The following NOL4L variants were observed in gnomAD, a reference collection of about 807,000 sequenced individuals.
NOL4L encodes nucleolar protein 4-like.
In NOL4L, 7 loss-of-function variants were observed where a neutral mutation model predicts 64.5. That is an observed-to-expected ratio of 0.11 (90% CI 0.06 to 0.20). The LOEUF is 0.20. NOL4L is among the 10% of genes least tolerant of loss of function. NOL4L has a pLI of 1.00. For missense variants in NOL4L, 680 were observed against 967.1 expected (o/e 0.70, Z 3.94); for synonymous variants, 413 against 401.0 (o/e 1.03, Z -0.36).
chr20:32,583,912 C>T (rs1170762319), intron 1 of NOL4L, among the ~76,000 whole-genome samples: 2 of 149,394 alleles, frequency 1.3e-5, no homozygotes, highest in Non-Finnish European at 3.0e-5. Flanking sequence ...ACGAGGGGCC[C>T]GGGGGGCTGA....
At chr20:32,550,371 C>G (rs963820423) in intron 1 of NOL4L, among the ~76,000 whole-genome samples, 2 of 152,196 alleles carry the variant, frequency 1.3e-5, no homozygotes, top group Admixed American at 1.3e-4. Flanking sequence ...CTCGGCCTCC[C>G]GAGTAGCTGG....
intron 1 of NOL4L, among the ~76,000 whole-genome samples, chr20:32,552,752 C>T (rs1462928122): frequency 6.6e-6 from 1 of 152,204 alleles, no homozygotes; most frequent in Non-Finnish European, 1.5e-5. Flanking sequence ...CCTGTAATCC[C>T]AGCACTTTGG....
intron 5 of NOL4L, among the ~76,000 whole-genome samples, chr20:32,473,613 C>T (rs1383647371): frequency 6.6e-5 from 10 of 152,220 alleles, no homozygotes; most frequent in East Asian, 1.9e-4. Context: ...GAGGCAGGCG[C>T]GCAGGTTCTG....
At chr20:32,528,013 C>T (rs1396120829) in intron 1 of NOL4L, 100 bp from the exon 2 acceptor site, 5 of 868,594 alleles carry the variant, frequency 5.8e-6, no homozygotes, top group African/African-American at 1.7e-5. Context: ...GCAATGCCTC[C>T]GACAGTGGGT....
At position 32,460,876 on chromosome 20, in the gene NOL4L, G is replaced by T. The variant is rs902548064; in HGVS notation, c.842-4481C>A. ...ACGGGGCTCTGAAGGGGTGTCACCA[G>T]CTTTCTGGCCCCTGAGCCATGGTGT... On this transcript the variant is annotated intron_variant, in intron 5 of 10. Transcript: ENST00000621426. The surrounding 1 kb of genome is among the most constrained non-coding windows in gnomAD (Gnocchi z 5.7). Among the ~76,000 whole-genome samples the T allele has an allele frequency of 2.0e-5, 3 of 152,188 alleles. No individual in the cohort carries two copies.
At chr20:32,537,046 C>G in intron 1 of NOL4L, 1 of 984,432 alleles carries the variant, frequency 1.0e-6, no homozygotes, top group African/African-American at 1.7e-5. Flanking sequence ...GCTCCCGGCG[C>G]ACCTGCCCTG....
chr20:32,453,049 G>C lies in NOL4L; in HGVS notation c.1498-43C>G. On this transcript the variant is annotated intron_variant, in intron 8 of 10. Transcript: ENST00000621426. The surrounding 1 kb of genome is among the most constrained non-coding windows in gnomAD (Gnocchi z 5.6). ...ATGGAGCTAGCATGGGGCCCGTGGG[G>C]GCCCTGGGCTTGTGCAGAGACCCTG... The C allele has an allele frequency of 6.2e-7, 1 of 1,608,246 alleles. No homozygotes were observed. The highest frequency in any genetic ancestry group is 8.5e-7 in the Non-Finnish European group (1 of 1,179,258).
intron 4 of NOL4L, among the ~76,000 whole-genome samples, chr20:32,490,558 A>AT (rs1270077655): frequency 6.6e-6 from 1 of 152,054 alleles, no homozygotes; most frequent in Non-Finnish European, 1.5e-5. Flanking sequence ...ATATTAACTG[A>AT]TTTTTGCATA....
At chr20:32,513,602 C>T (rs6119875) in intron 3 of NOL4L, among the ~76,000 whole-genome samples, 2,736 of 152,266 alleles carry the variant, frequency 0.018, 29 homozygotes, top group African/African-American at 0.031. Flanking sequence ...GTGGCTCACG[C>T]ATGTAATCCC....
Position 32,584,812 on chromosome 20 carries a change from A to G in NOL4L, c.79T>C (p.Phe27Leu). 1 of 1,528,894 alleles carries G rather than the reference A, an allele frequency of 6.5e-7. No individual in the cohort carries two copies. Among genetic ancestry groups the G allele is most frequent in the Non-Finnish European group, 8.8e-7 (1 of 1,141,748 alleles). The allele number at this position is 1,528,894 out of a possible 1,614,324, so 94.7% of individuals were successfully genotyped here. Reference sequence around the variant, plus strand: ...TAGGTGCGCAAGCACCAGTCCCGGAACTGGCGGCCCAGCTCCGAGTCCCCG... The same window carrying G: ...TAGGTGCGCAAGCACCAGTCCCGGAGCTGGCGGCCCAGCTCCGAGTCCCCG... ...SPGDSELGRQ[F>L]RDWCLRTYGD... The change falls in exon 1 of 11, where the codon TTC becomes CTC. Residue 27 changes from phenylalanine (F) to leucine (L), a missense_variant. By Grantham distance (22) the Phe-to-Leu change is conservative (BLOSUM62 0). Transcript: ENST00000621426.
At position 32,445,191 on chromosome 20, in the gene NOL4L, G is replaced by A. The variant is rs1412427846; in HGVS notation, c.*2405C>T. ...GAAAACACATTGAACCTACGCTCTT[G>A]CCGCAGTACTAAGGCAGGCTGGAGG... is the stretch of plus-strand genomic sequence containing the variant. On this transcript the variant is annotated 3_prime_UTR_variant, in exon 11 of 11. Coordinates refer to ENST00000621426, the MANE Select transcript of NOL4L (RefSeq NM_001256798.2). 6.6e-6 allele frequency: 1 copy of A among 152,254 alleles called. No homozygotes were observed. Among genetic ancestry groups the A allele is most frequent in the Non-Finnish European group, 1.5e-5 (1 of 68,044 alleles). The allele number at this position is 152,254 out of a possible 1,614,324, so 9.4% of individuals were successfully genotyped here. A position where few individuals can be genotyped will look rare whatever the true frequency, so the allele number is the denominator to read the frequency against.
In NOL4L at chr20:32,527,990, G is replaced by A. The variant is rs1395801904; in HGVS notation, c.322-77C>T. The A allele has an allele frequency of 6.3e-6, 9 of 1,439,972 alleles. No individual in the cohort carries two copies. In the Admixed American group the frequency reaches 1.8e-4, roughly 29 times the overall value. The allele number at this position is 1,439,972 out of a possible 1,614,324, so 89.2% of individuals were successfully genotyped here. Reference sequence around the variant, plus strand: ...GAACTGGGCCCTGAGGCCGGGGCAAGGGGTCAGGACGGGCAATGCCTCCGA... The same window carrying A: ...GAACTGGGCCCTGAGGCCGGGGCAAAGGGTCAGGACGGGCAATGCCTCCGA... On this transcript the variant is annotated intron_variant, in intron 1 of 10. Coordinates refer to ENST00000621426, the MANE Select transcript of NOL4L (RefSeq NM_001256798.2).
At chr20:32,546,103 A>G (rs2018729852) in intron 1 of NOL4L, among the ~76,000 whole-genome samples, 1 of 151,350 alleles carries the variant, frequency 6.6e-6, no homozygotes. Context: ...AGGCACCACC[A>G]TGCCCGGCTA....
chr20:32,584,622 C>G lies in NOL4L; in HGVS notation c.269G>C (p.Gly90Ala). 2.6e-6 allele frequency: 4 copies of G among 1,536,264 alleles called. No homozygotes were observed. The South Asian group carries it at 4.9e-5, about 19-fold the overall frequency. ...VRSKGFRLGS[G>A]REPKMGQVVY... ...CACTTGGCCCATCTTGGGTTCCCGG[C>G]CGCTGCCCAGGCGGAAGCCCTTGGA... is the stretch of plus-strand genomic sequence containing the variant. The change falls in exon 1 of 11, where the codon GGC (glycine) becomes GCC (alanine). Residue 90 changes from glycine (G) to alanine (A), a missense_variant. By Grantham distance (60) the Gly-to-Ala change is moderately conservative (BLOSUM62 0). Transcript: ENST00000621426.
At chr20:32,454,543 T>TC (rs1276736493) in intron 6 of NOL4L, among the ~76,000 whole-genome samples, 2 of 152,172 alleles carry the variant, frequency 1.3e-5, no homozygotes, top group Non-Finnish European at 2.9e-5. Context: ...AGCAGCTCCC[T>TC]CTTTTCCCCC....
intron 10 of NOL4L, chr20:32,451,618 G>A (rs2012912894): frequency 6.6e-6 from 1 of 152,370 alleles, no homozygotes; most frequent in Admixed American, 6.5e-5. Context: ...CCCAGCTACA[G>A]GAGCGGAGCG....
chr20:32,511,371 A>G lies in NOL4L; in HGVS notation c.675T>C (p.Leu225=). ...CCTGCTCCTGGGAATTCATCACTCG[A>G]AGCTTCATCTGCTTCAGGTAGGTGG... is the stretch of plus-strand genomic sequence containing the variant. The part of the protein sequence containing the change: ...LTSTYLKQMK[L]RVMNSQEQDE... The change falls in exon 4 of 11, where the codon CTT becomes CTC. Residue 225 remains leucine (L), a synonymous_variant. Coordinates refer to ENST00000621426, the MANE Select transcript of NOL4L (RefSeq NM_001256798.2). 1.3e-6 allele frequency: 2 copies of G among 1,550,254 alleles called. No homozygotes were observed. The highest frequency in any genetic ancestry group is 2.4e-5 in the South Asian group (2 of 84,022).
chr20:32,556,273 G>GT (rs1335578942), intron 1 of NOL4L, among the ~76,000 whole-genome samples: 30 of 93,840 alleles, frequency 3.2e-4, no homozygotes, highest in African/African-American at 4.2e-4. Flanking sequence ...TATTTCCTTT[G>GT]TGGGGGGGGG....
chr20:32,458,651 A>G (rs1034013136), intron 5 of NOL4L, among the ~76,000 whole-genome samples: 19 of 152,010 alleles, frequency 1.2e-4, no homozygotes, highest in Non-Finnish European at 1.9e-4. Context: ...TACCGACACC[A>G]CCCTCACAGG....
Sources: gnomAD v4.1 joint callset for allele counts (sites outside exome capture counted in the v4.1 genomes callset) on GRCh38, gnomAD v4.1.1 for gene constraint, Gnocchi (gnomAD v3.1) non-coding constraint, MANE v1.5 for transcripts, NCBI Gene and HGNC (gene_info 2026-07-23, HGNC 2026-07-21) for gene names.